FSTL5: variants seen among roughly 807,000 people sequenced by gnomAD.
FSTL5 encodes follistatin like 5, also known as follistatin-related protein 5.
Under a neutral mutation model 89.1 loss-of-function variants are expected in FSTL5, and 62 were observed. That is an observed-to-expected ratio of 0.70 (90% CI 0.57 to 0.86). The LOEUF (loss-of-function observed/expected upper bound fraction) is 0.86. Ranked by LOEUF, FSTL5 falls within the 40% of genes least tolerant of loss-of-function variation. The probability of loss-of-function intolerance (pLI) is 0.00; values close to 1 mark genes in which losing one functional copy is unlikely to be tolerated. For missense variants in FSTL5, 1,057 were observed against 1,001.6 expected (o/e 1.06, Z -0.75); for synonymous variants, 383 against 346.2 (o/e 1.11, Z -1.18).
intron 7 of FSTL5, among the ~76,000 whole-genome samples, chr4:161,655,397 A>C (rs1206606587): frequency 6.6e-6 from 1 of 152,072 alleles, no homozygotes; most frequent in Non-Finnish European, 1.5e-5. Context: ...GGTCCAGTGA[A>C]CACATGACCC....
At chr4:161,733,581 G>A (rs146436019) in intron 6 of FSTL5, among the ~76,000 whole-genome samples, 80 of 152,034 alleles carry the variant, frequency 5.3e-4, no homozygotes, top group African/African-American at 1.8e-3. Flanking sequence ...CTTCTCAGTC[G>A]TAGAAAGAAA....
intron 8 of FSTL5, among the ~76,000 whole-genome samples, chr4:161,565,554 C>CT (rs1214825654): frequency 1.3e-5 from 2 of 151,512 alleles, no homozygotes; most frequent in Non-Finnish European, 2.9e-5. Flanking sequence ...ATCTTGGTAC[C>CT]TTTTCAGGCT....
chr4:162,143,500 G>C (rs1012440286), intron 1 of FSTL5, among the ~76,000 whole-genome samples: 3 of 152,048 alleles, frequency 2.0e-5, no homozygotes, highest in Non-Finnish European at 4.4e-5. Context: ...AATGCTCCAT[G>C]CTAATTGCAT....
intron 6 of FSTL5, among the ~76,000 whole-genome samples, chr4:161,669,407 A>C (rs1445099133): frequency 3.3e-5 from 5 of 152,154 alleles, no homozygotes; most frequent in African/African-American, 1.2e-4. Context: ...ACAAAGCTAC[A>C]ATAATCAAGG....
intron 4 of FSTL5, among the ~76,000 whole-genome samples, chr4:161,888,748 T>G: frequency 6.6e-6 from 1 of 152,078 alleles, no homozygotes. Context: ...TGTCTCTTCC[T>G]CATTTAATTA....
At chr4:161,713,064 T>C (rs905603206) in intron 6 of FSTL5, among the ~76,000 whole-genome samples, 1 of 152,166 alleles carries the variant, frequency 6.6e-6, no homozygotes, top group South Asian at 2.1e-4. Context: ...ACAGTTGCCA[T>C]GTCCAGACAA....
At chr4:161,496,833 T>C (rs546296746) in intron 12 of FSTL5, among the ~76,000 whole-genome samples, 4 of 151,072 alleles carry the variant, frequency 2.6e-5, no homozygotes, top group African/African-American at 9.8e-5. Flanking sequence ...GAGATAGAGA[T>C]AGAGATCAAA....
intron 3 of FSTL5, chr4:162,032,473 T>C (rs547766642): frequency 1.3e-5 from 2 of 152,202 alleles, no homozygotes; most frequent in South Asian, 4.1e-4. Context: ...TGCACAGAAA[T>C]AGTTTGGGAA....
At chr4:162,011,789 G>A (rs556703806) in intron 3 of FSTL5, among the ~76,000 whole-genome samples, 173 of 152,208 alleles carry the variant, frequency 1.1e-3, no homozygotes, top group African/African-American at 4.0e-3. Flanking sequence ...TAGCCACCGC[G>A]CCCGGCCATC....
At chr4:162,058,551 C>T (rs1738627638) in intron 2 of FSTL5, among the ~76,000 whole-genome samples, 2 of 151,486 alleles carry the variant, frequency 1.3e-5, no homozygotes, top group South Asian at 4.2e-4. Flanking sequence ...TTCAGCCCTC[C>T]CGAGTAGCTG....
intron 8 of FSTL5, among the ~76,000 whole-genome samples, chr4:161,577,699 T>A (rs1733278408): frequency 6.6e-6 from 1 of 152,074 alleles, no homozygotes; most frequent in East Asian, 1.9e-4. Flanking sequence ...TAAATACAGA[T>A]CTGCTGAGGC....
intron 4 of FSTL5, among the ~76,000 whole-genome samples, chr4:161,863,071 T>G (rs902922125): frequency 7.2e-5 from 11 of 152,204 alleles, no homozygotes; most frequent in Admixed American, 1.3e-4. Flanking sequence ...CAAAATAGTC[T>G]TCCATTTTTC....
At chr4:161,719,129 CATGAG>C (rs1739104343) in intron 6 of FSTL5, among the ~76,000 whole-genome samples, 1 of 152,150 alleles carries the variant, frequency 6.6e-6, no homozygotes, top group Admixed American at 6.5e-5. Context: ...TACATAAATG[CATGAG>C]ATAAGAGTCC....
chr4:161,649,518 G>A (rs557992116), intron 7 of FSTL5, among the ~76,000 whole-genome samples: 1 of 151,968 alleles, frequency 6.6e-6, no homozygotes, highest in Non-Finnish European at 1.5e-5. Context: ...TTTACCAAAG[G>A]TATAAAAATG....
chr4:162,091,139 T>G (rs187824090), intron 2 of FSTL5, among the ~76,000 whole-genome samples: 1 of 152,284 alleles, frequency 6.6e-6, no homozygotes, highest in East Asian at 1.9e-4. Context: ...CAAAATCATT[T>G]CTTTCAGGTT....
chr4:161,774,429 T>C (rs1047858832), intron 5 of FSTL5, among the ~76,000 whole-genome samples: 1 of 152,170 alleles, frequency 6.6e-6, no homozygotes, highest in African/African-American at 2.4e-5. Flanking sequence ...TATTTTCTTA[T>C]GCGAGCCCTA....
chr4:161,631,213 T>TA (rs1471357049), intron 7 of FSTL5, among the ~76,000 whole-genome samples: 1 of 152,214 alleles, frequency 6.6e-6, no homozygotes, highest in African/African-American at 2.4e-5. Context: ...TCCCTAAAAT[T>TA]AGAGTTTTCT....
intron 2 of FSTL5, among the ~76,000 whole-genome samples, chr4:162,053,079 A>G (rs1578989381): frequency 6.6e-6 from 1 of 151,824 alleles, no homozygotes; most frequent in Admixed American, 6.6e-5. Context: ...TAATTTTGAA[A>G]GGCTAATTAT....
At chr4:161,991,587 C>A (rs1356291432) in intron 3 of FSTL5, among the ~76,000 whole-genome samples, 1 of 152,232 alleles carries the variant, frequency 6.6e-6, no homozygotes, top group East Asian at 1.9e-4. Context: ...TACAGGGATT[C>A]TTTTCAATCA....
Sources: gnomAD v4.1 joint callset for allele counts (sites outside exome capture counted in the v4.1 genomes callset) on GRCh38, gnomAD v4.1.1 for gene constraint, MANE v1.5 for transcripts, NCBI Gene and HGNC (gene_info 2026-07-23, HGNC 2026-07-21) for gene names.